ADAMTS17: variants seen among roughly 807,000 people sequenced by gnomAD.
ADAMTS17 encodes the protein A disintegrin and metalloproteinase with thrombospondin motifs 17.
ADAMTS17 carries 113 observed loss-of-function variants against 141.5 expected under a neutral mutation model. The observed-to-expected ratio is 0.80, with a 90% CI of 0.69 to 0.93. ADAMTS17 has a LOEUF of 0.93. Among genes scored for constraint, ADAMTS17 ranks in the 40% least tolerant of loss-of-function variants. The probability of loss-of-function intolerance (pLI) is 0.00; values close to 1 mark genes in which losing one functional copy is unlikely to be tolerated. For synonymous variants in ADAMTS17, 768 were observed against 630.6 expected (o/e 1.22, Z -3.27); for missense variants, 1,659 against 1,517.9 (o/e 1.09, Z -1.54).
chr15:100,105,745 T>G (rs1942333397), intron 14 of ADAMTS17, among the ~76,000 whole-genome samples: 1 of 152,162 alleles, frequency 6.6e-6, no homozygotes, highest in Non-Finnish European at 1.5e-5. Flanking sequence ...TGGAGTGCAA[T>G]GGTGCAATCT....
At chr15:100,212,558 A>G (rs966638298) in intron 7 of ADAMTS17, among the ~76,000 whole-genome samples, 1 of 152,216 alleles carries the variant, frequency 6.6e-6, no homozygotes, top group Admixed American at 6.5e-5. Flanking sequence ...TAAAAACACT[A>G]AACACAGGAA....
At chr15:100,215,155 G>A (rs556431078) in intron 7 of ADAMTS17, among the ~76,000 whole-genome samples, 11 of 152,350 alleles carry the variant, frequency 7.2e-5, no homozygotes, top group Middle Eastern at 6.8e-3. Flanking sequence ...TCATGCCTGC[G>A]TTTGGAACGC....
rs558401267 is a variant in ADAMTS17 at position 100,040,871 on chromosome 15, C to T, written c.2591+7986G>A. On this transcript the variant is annotated intron_variant, in intron 18 of 21. Transcript: ENST00000268070. ...CTCCTCCCCACTCACATACCATCAACAAGGCATGTAATACACCACAGGTAT... is the reference window on the plus strand; with the variant it reads ...CTCCTCCCCACTCACATACCATCAATAAGGCATGTAATACACCACAGGTAT... Among the ~76,000 whole-genome samples, 57 of 152,284 alleles carry T rather than the reference C, an allele frequency of 3.7e-4. 1 individual carries two copies. The South Asian group carries it at 0.012, about 32-fold the overall frequency.
At chr15:100,098,371 C>G (rs969369350) in intron 14 of ADAMTS17, among the ~76,000 whole-genome samples, 1 of 151,872 alleles carries the variant, frequency 6.6e-6, no homozygotes, top group East Asian at 1.9e-4. Flanking sequence ...GGGGCTGGCC[C>G]GGTGCGGTGG....
intron 13 of ADAMTS17, among the ~76,000 whole-genome samples, chr15:100,114,259 C>A (rs1157184104): frequency 1.3e-5 from 2 of 151,686 alleles, no homozygotes; most frequent in African/African-American, 4.8e-5. Flanking sequence ...AATTCCGCAG[C>A]GATAGCACTG....
intron 3 of ADAMTS17, among the ~76,000 whole-genome samples, chr15:100,318,800 T>C (rs931760979): frequency 2.6e-5 from 4 of 152,224 alleles, no homozygotes; most frequent in African/African-American, 7.2e-5. Context: ...AATATTGGCC[T>C]ACTGGGTGAA....
Position 100,051,586 on chromosome 15 carries a change from ACACTGCACCCTTCC to A in ADAMTS17, c.2427_2440del (p.Trp809CysfsTer29). On this transcript the variant is annotated frameshift_variant, in exon 17 of 22. Coordinates refer to ENST00000268070, the MANE Select transcript of ADAMTS17 (RefSeq NM_139057.4). LOFTEE classifies it high-confidence loss of function. The stretch of plus-strand genomic sequence containing the variant: ...CGGCCACTCACCTCCGCCGCACTGC[ACACTGCACCCTTCC>A]CAGCCGCTGTGGGTCCAGATGAACA... 6.2e-7 allele frequency: 1 copy of A among 1,613,834 alleles called. No individual in the cohort carries two copies. Among genetic ancestry groups the A allele is most frequent in the Non-Finnish European group, 8.5e-7 (1 of 1,179,938 alleles).
chr15:100,177,176 T>G (rs1323004333), intron 8 of ADAMTS17, among the ~76,000 whole-genome samples: 1 of 152,250 alleles, frequency 6.6e-6, no homozygotes, highest in Non-Finnish European at 1.5e-5. Flanking sequence ...AAAAGGAACT[T>G]TTCCAGAGCG....
intron 7 of ADAMTS17, among the ~76,000 whole-genome samples, chr15:100,200,872 C>T (rs1168550701): frequency 1.3e-5 from 2 of 152,064 alleles, no homozygotes; most frequent in Non-Finnish European, 2.9e-5. Context: ...ACCTGCTCTC[C>T]ATGGGCTGTC....
At chr15:100,268,708 T>G (rs1353238405) in intron 4 of ADAMTS17, among the ~76,000 whole-genome samples, 1 of 152,200 alleles carries the variant, frequency 6.6e-6, no homozygotes, top group Non-Finnish European at 1.5e-5. Context: ...TTTGCAAATA[T>G]TTTCTCCCAT....
intron 18 of ADAMTS17, among the ~76,000 whole-genome samples, chr15:100,040,338 C>T (rs1046645890): frequency 6.6e-6 from 1 of 152,220 alleles, no homozygotes; most frequent in South Asian, 2.1e-4. Flanking sequence ...CTGGAGAATA[C>T]ACAGCTTCCC....
At chr15:100,137,808 C>T (rs1367091261) in intron 10 of ADAMTS17, among the ~76,000 whole-genome samples, 1 of 152,134 alleles carries the variant, frequency 6.6e-6, no homozygotes, top group East Asian at 1.9e-4. Context: ...CCAACACCCA[C>T]CCTTTCACTA....
chr15:100,280,882 G>C (rs74791673), intron 4 of ADAMTS17, among the ~76,000 whole-genome samples: 17,919 of 152,172 alleles, frequency 0.12, 1,242 homozygotes, highest in African/African-American at 0.19. Flanking sequence ...CCCCCCGCTA[G>C]ACTATGGACT....
intron 15 of ADAMTS17, among the ~76,000 whole-genome samples, chr15:100,090,081 G>C (rs2035360526): frequency 6.6e-6 from 1 of 151,184 alleles, no homozygotes; most frequent in Non-Finnish European, 1.5e-5. Context: ...GAAAAATTCT[G>C]GCCACAAGAA....
At chr15:99,977,304 G>C (rs546303785) in intron 20 of ADAMTS17, among the ~76,000 whole-genome samples, 1 of 132,202 alleles carries the variant, frequency 7.6e-6, no homozygotes, top group African/African-American at 2.9e-5. Context: ...CCCAAGGAGT[G>C]GACCCGGTTA....
chr15:100,039,591 G>A (rs759193800), intron 18 of ADAMTS17, among the ~76,000 whole-genome samples: 12 of 152,140 alleles, frequency 7.9e-5, no homozygotes, highest in African/African-American at 2.7e-4. Flanking sequence ...GTCATTCCAC[G>A]GTGGCCAGAA....
Position 100,109,538 on chromosome 15 carries a change from C to T in ADAMTS17, c.1889-422G>A, listed in dbSNP as rs1384673949. Reference sequence around the variant, plus strand: ...TGCCTCTGAGTGAGGGCAGCGGCCCCAAGGGTCACCATGACAGTAGCTTTG... The same window carrying T: ...TGCCTCTGAGTGAGGGCAGCGGCCCTAAGGGTCACCATGACAGTAGCTTTG... On this transcript the variant is annotated intron_variant, in intron 13 of 21. Coordinates refer to ENST00000268070, the MANE Select transcript of ADAMTS17 (RefSeq NM_139057.4). Among the ~76,000 whole-genome samples, 9 of 152,164 alleles carry T rather than the reference C, an allele frequency of 5.9e-5. No individual in the cohort carries two copies. The South Asian group carries it at 1.9e-3, about 32-fold the overall frequency.
intron 15 of ADAMTS17, among the ~76,000 whole-genome samples, chr15:100,088,826 T>C (rs1025740859): frequency 2.0e-5 from 3 of 152,048 alleles, no homozygotes; most frequent in Non-Finnish European, 4.4e-5. Context: ...TTACACCTTA[T>C]ACAAAAATTA....
chr15:100,141,240 G>T (rs553892913), intron 10 of ADAMTS17, among the ~76,000 whole-genome samples: 1 of 152,180 alleles, frequency 6.6e-6, no homozygotes, highest in African/African-American at 2.4e-5. Flanking sequence ...GTGAAAACGC[G>T]GGAAGGTTTG....
Sources: gnomAD v4.1 joint callset for allele counts (sites outside exome capture counted in the v4.1 genomes callset) on GRCh38, gnomAD v4.1.1 for gene constraint, MANE v1.5 for transcripts, NCBI Gene and HGNC (gene_info 2026-07-23, HGNC 2026-07-21) for gene names.